CARMIL1: variants seen among roughly 807,000 people sequenced by gnomAD.
CARMIL1 encodes F-actin-uncapping protein LRRC16A.
Under a neutral mutation model 177.1 loss-of-function variants are expected in CARMIL1, and 90 were observed. The ratio of observed to expected loss-of-function variants is 0.51; its 90% CI spans 0.43 to 0.61. CARMIL1 has a LOEUF of 0.61. CARMIL1 is among the 20% of genes least tolerant of loss of function. The probability of loss-of-function intolerance (pLI) is 0.00; values close to 1 mark genes in which losing one functional copy is unlikely to be tolerated. For missense variants in CARMIL1, 1,380 were observed against 1,667.0 expected (o/e 0.83, Z 3.00); for synonymous variants, 577 against 606.2 (o/e 0.95, Z 0.71).
At chr6:25,279,865 C>T in intron 1 of CARMIL1, 30 bp downstream of exon 1, 1 of 1,612,300 alleles carries the variant, frequency 6.2e-7, no homozygotes, top group African/African-American at 1.3e-5. Flanking sequence ...TGGTTTTCCA[C>T]CTTCCTCTGC....
At chr6:25,285,710 C>T (rs1195326689) in intron 2 of CARMIL1, among the ~76,000 whole-genome samples, 8 of 152,080 alleles carry the variant, frequency 5.3e-5, no homozygotes, top group Non-Finnish European at 8.8e-5. Flanking sequence ...AATAGTATAT[C>T]GAACTCTGTG....
intron 15 of CARMIL1, 30 bp from the exon 16 acceptor site, chr6:25,495,081 C>G (rs771681940): frequency 2.3e-6 from 3 of 1,302,148 alleles, no homozygotes; most frequent in Non-Finnish European, 3.3e-6. Context: ...GAAGGTGTAA[C>G]CGCTTGTGTA....
chr6:25,391,882 A>G (rs1792852668), intron 2 of CARMIL1, among the ~76,000 whole-genome samples: 2 of 152,208 alleles, frequency 1.3e-5, no homozygotes, highest in Admixed American at 6.5e-5. Context: ...AGTTTTGGGT[A>G]TTACAACTTG....
chr6:25,477,846 TCATCA>T (rs1211547662), intron 11 of CARMIL1, among the ~76,000 whole-genome samples: 1 of 143,542 alleles, frequency 7.0e-6, no homozygotes, highest in African/African-American at 2.6e-5. Flanking sequence ...TCACTTCTTC[TCATCA>T]CTTTTTTTTT....
At chr6:25,427,716 A>AC (rs1031044952) in intron 4 of CARMIL1, among the ~76,000 whole-genome samples, 43 of 152,244 alleles carry the variant, frequency 2.8e-4, no homozygotes, top group African/African-American at 9.9e-4. Flanking sequence ...CCTCCCCAAC[A>AC]CTGGTATAGT....
chr6:25,586,954 A>AAGAGGGAGAGAGACCGTGGAGAG (rs1813797479), intron 31 of CARMIL1, among the ~76,000 whole-genome samples: 1 of 145,840 alleles, frequency 6.9e-6, no homozygotes, highest in Non-Finnish European at 1.5e-5. Flanking sequence ...GAGAGAGAGG[A>AAGAGGGAGAGAGACCGTGGAGAG]AGAGGGAGAG....
rs755226280 is a variant in CARMIL1 at position 25,441,333 on chromosome 6, ATATATG to A, written c.371+5731_371+5736del. On this transcript the variant is annotated intron_variant, in intron 5 of 36. Coordinates refer to ENST00000329474, the MANE Select transcript of CARMIL1 (RefSeq NM_017640.6). Reference sequence around the variant, plus strand: ...CAAACAAACAAACATATATATATATATATATGTGTGTGTGTGTGTGTGTGTGTGTGT... The same window carrying A: ...CAAACAAACAAACATATATATATATATGTGTGTGTGTGTGTGTGTGTGTGT... 2.2e-3 allele frequency among the ~76,000 whole-genome samples: 145 copies of A among 66,950 alleles called. 1 individual carries two copies. Among genetic ancestry groups the A allele is most frequent in the East Asian group, 9.1e-3 (13 of 1,432 alleles). 43.9% of individuals were successfully genotyped at this position (66,950 alleles called of 152,430 possible).
chr6:25,557,678 G>C (rs1810747310), intron 29 of CARMIL1, among the ~76,000 whole-genome samples: 1 of 152,086 alleles, frequency 6.6e-6, no homozygotes, highest in Admixed American at 6.6e-5. Flanking sequence ...TTCTACATTA[G>C]CTTGTGATTT....
intron 2 of CARMIL1, among the ~76,000 whole-genome samples, chr6:25,384,357 C>A (rs945107248): frequency 6.6e-6 from 1 of 152,192 alleles, no homozygotes; most frequent in Non-Finnish European, 1.5e-5. Flanking sequence ...ATAGCCAGCA[C>A]CTGTGTCAAA....
intron 2 of CARMIL1, among the ~76,000 whole-genome samples, chr6:25,390,824 G>A (rs576607929): frequency 6.6e-6 from 1 of 152,132 alleles, no homozygotes; most frequent in Non-Finnish European, 1.5e-5. Flanking sequence ...CCCAGTAGCT[G>A]GGATTACAGG....
chr6:25,306,225 A>G (rs1419816238), intron 2 of CARMIL1, among the ~76,000 whole-genome samples: 2 of 152,048 alleles, frequency 1.3e-5, no homozygotes, highest in Non-Finnish European at 2.9e-5. Context: ...CATTTAGCAG[A>G]AGGGTCCCCA....
chr6:25,540,094 T>C lies in CARMIL1; in HGVS notation c.2328+16T>C. On this transcript the variant is annotated intron_variant, in intron 26 of 36. Transcript: ENST00000329474. ...ACAACTAAAGGTTTGTGGGGTTTGT[T>C]ATTTGGGAAATGAAATTGTTAATAT... 6.4e-7 allele frequency: 1 copy of C among 1,573,012 alleles called. No individual in the cohort carries two copies. Among genetic ancestry groups the C allele is most frequent in the Non-Finnish European group, 8.6e-7 (1 of 1,165,394 alleles).
At chr6:25,359,656 C>T (rs543761560) in intron 2 of CARMIL1, among the ~76,000 whole-genome samples, 4 of 152,324 alleles carry the variant, frequency 2.6e-5, no homozygotes, top group Admixed American at 1.3e-4. Flanking sequence ...ATTGGGATTG[C>T]GTTCCCTTGA....
At chr6:25,461,521 A>G (rs1800120768) in intron 8 of CARMIL1, among the ~76,000 whole-genome samples, 1 of 152,248 alleles carries the variant, frequency 6.6e-6, no homozygotes, top group Admixed American at 6.5e-5. Flanking sequence ...AGAGCTGGGT[A>G]GAAACTGTAT....
chr6:25,456,645 G>C (rs1020885010), intron 8 of CARMIL1, among the ~76,000 whole-genome samples: 3 of 152,176 alleles, frequency 2.0e-5, no homozygotes, highest in Non-Finnish European at 2.9e-5. Flanking sequence ...CTGTAATTTG[G>C]AGTGGTAGGG....
intron 2 of CARMIL1, among the ~76,000 whole-genome samples, chr6:25,373,591 T>G (rs557599428): frequency 7.7e-6 from 1 of 129,704 alleles, no homozygotes; most frequent in Non-Finnish European, 1.7e-5. Context: ...CTCTCTCTCT[T>G]TTTTTTTTTT....
chr6:25,618,753 A>G (rs1044567077), intron 36 of CARMIL1, among the ~76,000 whole-genome samples: 2 of 152,200 alleles, frequency 1.3e-5, no homozygotes, highest in African/African-American at 4.8e-5. Context: ...GATTCTTCAT[A>G]TTTATGTGTA....
intron 1 of CARMIL1, among the ~76,000 whole-genome samples, chr6:25,283,633 G>C (rs1781311859): frequency 1.3e-5 from 2 of 152,092 alleles, no homozygotes; most frequent in South Asian, 2.1e-4. Context: ...CACTTCTTGG[G>C]GGTATTGTGC....
intron 9 of CARMIL1, 45 bp from the exon 10 acceptor site, chr6:25,471,124 C>A: frequency 1.6e-6 from 2 of 1,281,042 alleles, no homozygotes; most frequent in South Asian, 1.3e-5. Flanking sequence ...TAAAGTTTTT[C>A]TTCTTTAGAG....
Sources: allele counts gnomAD v4.1 joint callset (sites outside exome capture counted in the v4.1 genomes callset), GRCh38; gene constraint gnomAD v4.1.1; transcripts MANE v1.5; gene names NCBI Gene and HGNC (gene_info 2026-07-23, HGNC 2026-07-21).